The following ARHGAP20 variants were observed in gnomAD, a reference collection of about 807,000 sequenced individuals.
The protein encoded by ARHGAP20 is rho GTPase-activating protein 20.
A neutral mutation model predicts 73.7 loss-of-function variants in ARHGAP20; 34 were observed. That is an observed-to-expected ratio of 0.46 (90% confidence interval 0.35 to 0.61). The LOEUF (loss-of-function observed/expected upper bound fraction) is 0.61, where lower values mean the gene tolerates loss of function less well. Ranked by LOEUF, ARHGAP20 falls within the 20% of genes least tolerant of loss-of-function variation. ARHGAP20 has a pLI of 0.00. For synonymous variants in ARHGAP20, 523 were observed against 518.2 expected (o/e 1.01, Z -0.13); for missense variants, 1,314 against 1,420.9 (o/e 0.92, Z 1.21).
chr11:110,635,013 G>A (rs963941683), intron 2 of ARHGAP20, among the ~76,000 whole-genome samples: 2 of 151,910 alleles, frequency 1.3e-5, no homozygotes, highest in Non-Finnish European at 2.9e-5. Flanking sequence ...CTCCATCAAC[G>A]CATATGGTGT....
chr11:110,639,930 C>A (rs1340117558), intron 2 of ARHGAP20, among the ~76,000 whole-genome samples: 4 of 151,862 alleles, frequency 2.6e-5, no homozygotes, highest in Admixed American at 1.3e-4. Context: ...GTTTCCAATT[C>A]TTTTGAGTAC....
At chr11:110,607,429 C>A (rs561369155) in intron 8 of ARHGAP20, among the ~76,000 whole-genome samples, 5 of 152,240 alleles carry the variant, frequency 3.3e-5, no homozygotes, top group Non-Finnish European at 7.4e-5. Flanking sequence ...AAAAACTAAA[C>A]CCTGGACATC....
At chr11:110,699,744 A>G (rs1041168187) in intron 1 of ARHGAP20, among the ~76,000 whole-genome samples, 3 of 151,970 alleles carry the variant, frequency 2.0e-5, no homozygotes, top group African/African-American at 7.2e-5. Context: ...TTTACATGAC[A>G]TATCTTTTCT....
At position 110,590,725 on chromosome 11, in the gene ARHGAP20, G is replaced by A. The variant is rs745917041; in HGVS notation, c.1228C>T (p.Leu410=). ...ACTCCAGAATTCAATTTCTCTTTTAGTTCTCTGCAGGATTTCACATTGGCT... is the reference window on the plus strand; with the variant it reads ...ACTCCAGAATTCAATTTCTCTTTTAATTCTCTGCAGGATTTCACATTGGCT... ...QSANVKSCRE[L]KEKLNSGVEV... is the part of the protein sequence containing the mutation. Residue 410 remains leucine, a synonymous_variant, in exon 11 of 15, where the codon CTA becomes TTA. Coordinates refer to ENST00000683387, the MANE Select transcript of ARHGAP20 (RefSeq NM_001384657.1). The A allele has an allele frequency of 1.2e-6, 2 of 1,614,044 alleles. No homozygotes were observed. The highest frequency in any genetic ancestry group is 2.2e-5 in the South Asian group (2 of 91,076).
chr11:110,687,035 C>CATATATATATATATATATATAT lies in ARHGAP20; in HGVS notation c.188+3511_188+3512insATATATATATATATATATATAT, dbSNP rs142490183. ...GCAGGAAATTAACTGAAGATTAAAA[C>CATATATATATATATATATATAT]ATATATATATATATATATATAGACA... On this transcript the variant is annotated intron_variant, in intron 2 of 14. Transcript: ENST00000683387. Among the ~76,000 whole-genome samples, 1,061 of 121,394 alleles carry CATATATATATATATATATATAT rather than the reference C, an allele frequency of 8.7e-3. 17 individuals carry two copies. The highest frequency in any genetic ancestry group is 0.013 in the Middle Eastern group (3 of 238). 79.6% of individuals were successfully genotyped at this position (121,394 alleles called of 152,430 possible). A position where few individuals can be genotyped will look rare whatever the true frequency, so the allele number is the denominator to read the frequency against.
At chr11:110,608,341 A>AT (rs997612557) in intron 8 of ARHGAP20, among the ~76,000 whole-genome samples, 1 of 152,180 alleles carries the variant, frequency 6.6e-6, no homozygotes, top group Non-Finnish European at 1.5e-5. Flanking sequence ...ATCAAGAAAT[A>AT]TTTTTTAGCT....
intron 2 of ARHGAP20, among the ~76,000 whole-genome samples, chr11:110,684,913 A>G (rs1261959153): frequency 1.3e-5 from 2 of 152,114 alleles, no homozygotes; most frequent in African/African-American, 2.4e-5. Context: ...GGACTCCAAA[A>G]GAAGAGAGGG....
chr11:110,606,688 C>T lies in ARHGAP20; in HGVS notation c.837G>A (p.Pro279=), dbSNP rs777674393. ...SHLRDSALLT[P]GSKDSTTPFN... is the part of the protein sequence containing the mutation. ...AAGGGGTGGTAGAGTCCTTTGATCC[C>T]GGTGTCAGGAGTGCAGAGTCTCGAA... Residue 279 remains proline, a synonymous_variant, in exon 9 of 15, where the codon CCG becomes CCA. Transcript: ENST00000683387. The T allele has an allele frequency of 1.9e-5, 31 of 1,602,164 alleles. No individual in the cohort carries two copies. Among genetic ancestry groups the T allele is most frequent in the Middle Eastern group, 1.7e-4 (1 of 5,954 alleles).
rs1948361621 is a variant in ARHGAP20, at chr11:110,611,334, A to G, written c.683T>C (p.Met228Thr). ...AGTTATCCCTAGCATTGGTAATGAC[A>G]TGTTGATAACTTCATTCGCTGTATC... is the stretch of plus-strand genomic sequence containing the variant. ...NSDTANEVIN[M>T]SLPMLGITGS... Residue 228 changes from methionine to threonine, a missense_variant, in exon 7 of 15, where the codon ATG (methionine) becomes ACG (threonine). Transcript: ENST00000683387. The G allele has an allele frequency of 6.4e-7, 1 of 1,570,970 alleles. No individual in the cohort carries two copies. Among genetic ancestry groups the G allele is most frequent in the Non-Finnish European group, 8.7e-7 (1 of 1,155,308 alleles).
chr11:110,687,262 T>C (rs1219032456), intron 2 of ARHGAP20, among the ~76,000 whole-genome samples: 4 of 151,822 alleles, frequency 2.6e-5, no homozygotes, highest in Admixed American at 2.6e-4. Flanking sequence ...AGACAGGGTC[T>C]TGCTATGTTG....
Position 110,671,308 on chromosome 11 carries a change from TA to T in ARHGAP20, c.188+19238del, listed in dbSNP as rs530851591. ...TGAAATTTAACACACATTCGTGATT[TA>T]AAAAAAACACCTCACATACTGGAAT... On this transcript the variant is annotated intron_variant, in intron 2 of 14. Coordinates refer to ENST00000683387, the MANE Select transcript of ARHGAP20 (RefSeq NM_001384657.1). Among the ~76,000 whole-genome samples, 561 of 151,848 alleles carry T rather than the reference TA, an allele frequency of 3.7e-3. 3 individuals are homozygous for T. Among genetic ancestry groups the T allele is most frequent in the African/African-American group, 0.012 (515 of 41,452 alleles).
chr11:110,669,912 G>A (rs943346967), intron 2 of ARHGAP20, among the ~76,000 whole-genome samples: 1 of 152,028 alleles, frequency 6.6e-6, no homozygotes, highest in Non-Finnish European at 1.5e-5. Context: ...AAACCCTACT[G>A]TCTACTAACA....
chr11:110,679,097 G>T (rs1373609467), intron 2 of ARHGAP20, among the ~76,000 whole-genome samples: 1 of 152,194 alleles, frequency 6.6e-6, no homozygotes, highest in Admixed American at 6.5e-5. Context: ...CTGAAGTCTT[G>T]ACTGGAGTGG....
chr11:110,609,367 G>T (rs1948312869), intron 7 of ARHGAP20, among the ~76,000 whole-genome samples: 6 of 152,124 alleles, frequency 3.9e-5, no homozygotes, highest in Admixed American at 3.9e-4. Context: ...ACATGCCCCT[G>T]CAAAGACAAC....
chr11:110,690,847 AT>A, intron 1 of ARHGAP20: 2 of 947,224 alleles, frequency 2.1e-6, no homozygotes, highest in Non-Finnish European at 3.1e-6. Flanking sequence ...AGCAATAAGT[AT>A]TTTTTGTGGT....
At chr11:110,606,986 C>G (rs1428651474) in intron 8 of ARHGAP20, among the ~76,000 whole-genome samples, 1 of 152,086 alleles carries the variant, frequency 6.6e-6, no homozygotes, top group Non-Finnish European at 1.5e-5. Flanking sequence ...TAAAGATTAT[C>G]TTGTTTGGAA....
intron 2 of ARHGAP20, among the ~76,000 whole-genome samples, chr11:110,674,797 G>A (rs1241259418): frequency 6.6e-6 from 1 of 152,080 alleles, no homozygotes; most frequent in Non-Finnish European, 1.5e-5. Flanking sequence ...TCACCTTCTT[G>A]ATTAGCCAAT....
chr11:110,690,432 G>A (rs1406122139), intron 2 of ARHGAP20, 115 bp downstream of exon 2: 3 of 989,340 alleles, frequency 3.0e-6, no homozygotes, highest in Non-Finnish European at 4.6e-6. Flanking sequence ...ACAGAATTCT[G>A]GTGCTGATAA....
chr11:110,638,966 G>A (rs1048526462), intron 2 of ARHGAP20, among the ~76,000 whole-genome samples: 13 of 151,882 alleles, frequency 8.6e-5, no homozygotes, highest in Admixed American at 5.3e-4. Context: ...TAACCTGCAC[G>A]TTGTGCACAT....
Sources: allele counts gnomAD v4.1 joint callset (sites outside exome capture counted in the v4.1 genomes callset), GRCh38; gene constraint gnomAD v4.1.1; transcripts MANE v1.5; gene names NCBI Gene and HGNC (gene_info 2026-07-23, HGNC 2026-07-21).